KCNK10: variants seen among roughly 807,000 people sequenced by gnomAD.
The protein encoded by KCNK10 is potassium channel subfamily K member 10.
In KCNK10, 25 loss-of-function variants were observed where a neutral mutation model predicts 47.7. The observed-to-expected ratio is 0.52, with a 90% CI of 0.38 to 0.73. KCNK10 has a LOEUF of 0.73. KCNK10 is among the 30% of genes least tolerant of loss of function. The probability of loss-of-function intolerance (pLI) is 0.00; values close to 1 mark genes in which losing one functional copy is unlikely to be tolerated. For synonymous variants in KCNK10, 303 were observed against 285.6 expected, an observed-to-expected ratio of 1.06 and a Z score of -0.61; for missense variants, 563 against 714.5, an observed-to-expected ratio of 0.79 and a Z score of 2.42.
In KCNK10 at chr14:88,181,624, G is replaced by C. The variant is rs1005509074; in HGVS notation, c.*3911C>G. The C allele has an allele frequency of 6.6e-6, 1 of 152,220 alleles. No homozygotes were observed. Among genetic ancestry groups the C allele is most frequent in the Admixed American group, 6.6e-5 (1 of 15,262 alleles). 9.4% of individuals were successfully genotyped at this position (152,220 alleles called of 1,614,324 possible). On this transcript the variant is annotated 3_prime_UTR_variant, in exon 7 of 7. Transcript: ENST00000319231. ...CTAAAGAGCTATAAGGGAGGATAGA[G>C]AGAGCCTACACAGGGCATGATCCGA...
chr14:88,226,849 T>A (rs1156247921), intron 4 of KCNK10, among the ~76,000 whole-genome samples: 1 of 152,174 alleles, frequency 6.6e-6, no homozygotes, highest in African/African-American at 2.4e-5. Flanking sequence ...CAGGATGCCA[T>A]TTCTGAGGGA....
intron 1 of KCNK10, among the ~76,000 whole-genome samples, chr14:88,310,969 C>G (rs1888316960): frequency 6.6e-6 from 1 of 152,092 alleles, no homozygotes; most frequent in African/African-American, 2.4e-5. Flanking sequence ...ATCACAGAAT[C>G]AAGGGTCATG....
rs1305476508 is a variant in KCNK10, at chr14:88,260,069, AGT to A, written c.402+3131_402+3132del. The stretch of plus-strand genomic sequence containing the variant: ...GCAATTCTTCTGCCTCAGCCTCCCT[AGT>A]AGCTGGGACCACAGGTGCACACCAC... On this transcript the variant is annotated intron_variant, in intron 2 of 6. Coordinates refer to ENST00000319231, the MANE Select transcript of KCNK10 (RefSeq NM_138317.3). This position sits in a 1 kb window ranked among gnomAD's most constrained non-coding sequence, Gnocchi z 4.5. 2.0e-5 allele frequency among the ~76,000 whole-genome samples: 3 copies of A among 152,022 alleles called. No individual in the cohort carries two copies. The highest frequency in any genetic ancestry group is 7.3e-5 in the African/African-American group (3 of 41,372).
intron 1 of KCNK10, chr14:88,270,676 G>C: frequency 1.3e-6 from 1 of 780,454 alleles, no homozygotes. Context: ...AGAACTGCCT[G>C]CCACCTCATC....
chr14:88,263,687 C>G, intron 1 of KCNK10, 136 bp from the exon 2 acceptor site: 1 of 775,504 alleles, frequency 1.3e-6, no homozygotes, highest in Non-Finnish European at 2.0e-6. Flanking sequence ...TTCACCAAGC[C>G]TGCAGTTAGG....
intron 1 of KCNK10, among the ~76,000 whole-genome samples, chr14:88,319,078 T>C (rs1484790127): frequency 1.3e-5 from 2 of 152,170 alleles, no homozygotes; most frequent in African/African-American, 2.4e-5. Flanking sequence ...AATCTACTTG[T>C]GGTAGGTCCT....
intron 4 of KCNK10, among the ~76,000 whole-genome samples, chr14:88,199,973 CTTTCTTTCTTTCTT>C (rs910881938): frequency 5.4e-5 from 8 of 147,862 alleles, no homozygotes; most frequent in African/African-American, 2.0e-4. Flanking sequence ...CTTTCTTTCT[CTTTCTTTCTTTCTT>C]TTTCTTTCTT....
At chr14:88,326,588 C>T (rs1888668285), upstream of KCNK10, 3 of 702,604 alleles carry the variant, frequency 4.3e-6, no homozygotes, top group East Asian at 2.7e-5. Context: ...AACAAAACAT[C>T]GTGGCGCAAA....
intron 1 of KCNK10, among the ~76,000 whole-genome samples, chr14:88,303,409 G>A (rs1595130148): frequency 6.6e-6 from 1 of 152,120 alleles, no homozygotes; most frequent in East Asian, 1.9e-4. Context: ...CCCATAAAGT[G>A]GTGGTGGCTT....
In KCNK10 at chr14:88,220,495, G is replaced by A. The variant is rs1383811973; in HGVS notation, c.681+6880C>T. 2.1e-5 allele frequency among the ~76,000 whole-genome samples: 3 copies of A among 142,720 alleles called. No homozygotes were observed. The Admixed American group carries it at 2.1e-4, about 10-fold the overall frequency. 93.6% of individuals were successfully genotyped at this position (142,720 alleles called of 152,430 possible). ...AAGTAATCAAGACAGTATGATATTGGAGAAAGAATAGACAAATAGGTCAAT... is the reference window on the plus strand; with the variant it reads ...AAGTAATCAAGACAGTATGATATTGAAGAAAGAATAGACAAATAGGTCAAT... On this transcript the variant is annotated intron_variant, in intron 4 of 6. Transcript: ENST00000319231.
chr14:88,326,803 C>T, upstream of KCNK10: 1 of 282,060 alleles, frequency 3.5e-6, no homozygotes. Context: ...CCCGAAAACC[C>T]CAGTCATCTC....
At chr14:88,215,048 C>A (rs1416288986) in intron 4 of KCNK10, among the ~76,000 whole-genome samples, 2 of 152,150 alleles carry the variant, frequency 1.3e-5, no homozygotes, top group African/African-American at 4.8e-5. Context: ...GTCACAGAAC[C>A]AGTCTAAGCA....
At chr14:88,255,859 TA>T (rs931677233) in intron 2 of KCNK10, among the ~76,000 whole-genome samples, 2 of 151,550 alleles carry the variant, frequency 1.3e-5, no homozygotes, top group African/African-American at 4.9e-5. Context: ...GACCCTGTTT[TA>T]AAAAAAAGGA....
At chr14:88,304,672 T>C (rs574044378) in intron 1 of KCNK10, among the ~76,000 whole-genome samples, 2 of 152,316 alleles carry the variant, frequency 1.3e-5, no homozygotes, top group Admixed American at 6.5e-5. Flanking sequence ...TTTGTTAGTG[T>C]TTGCACTGTT....
intron 4 of KCNK10, among the ~76,000 whole-genome samples, chr14:88,216,018 A>G (rs147708128): frequency 8.2e-4 from 125 of 152,336 alleles, no homozygotes; most frequent in Admixed American, 9.8e-4. Flanking sequence ...ATAAGTCCCT[A>G]TGGGTCAGTT....
intron 4 of KCNK10, among the ~76,000 whole-genome samples, chr14:88,197,890 G>A (rs1056123731): frequency 4.1e-5 from 6 of 146,716 alleles, no homozygotes; most frequent in Non-Finnish European, 9.1e-5. Flanking sequence ...GAGAGAGAGA[G>A]AGAGAAGGGG....
rs76037997 is a variant in KCNK10, at chr14:88,260,623, T to G, written c.402+2579A>C. ...ACTACCAGCTCTACCACTTTGGTGG[T>G]TGGAAAGTTACTCACCTCTTTAAGG... On this transcript the variant is annotated intron_variant, in intron 2 of 6. Coordinates refer to ENST00000319231, the MANE Select transcript of KCNK10 (RefSeq NM_138317.3). This position sits in a 1 kb window ranked among gnomAD's most constrained non-coding sequence, Gnocchi z 4.5. 6.6e-6 allele frequency among the ~76,000 whole-genome samples: 1 copy of G among 152,160 alleles called. No homozygotes were observed. The highest frequency in any genetic ancestry group is 1.5e-5 in the Non-Finnish European group (1 of 68,022).
upstream of KCNK10, chr14:88,323,387 G>T (rs942731403): frequency 3.9e-6 from 3 of 774,310 alleles, no homozygotes; most frequent in Non-Finnish European, 4.7e-6. Flanking sequence ...TTGGATGTAG[G>T]GGTGGCGCGG....
chr14:88,198,141 T>A lies in KCNK10; in HGVS notation c.682-5731A>T, dbSNP rs115557731. Among the ~76,000 whole-genome samples the A allele has an allele frequency of 5.4e-3, 820 of 152,320 alleles. 4 individuals carry two copies. Among genetic ancestry groups the A allele is most frequent in the African/African-American group, 0.018 (759 of 41,580 alleles). Reference sequence around the variant, plus strand: ...GAATATAAAAGCATGCCAACTGTAATGGACGACCTTTAAATCTTTGTCAGT... The same window carrying A: ...GAATATAAAAGCATGCCAACTGTAAAGGACGACCTTTAAATCTTTGTCAGT... On this transcript the variant is annotated intron_variant, in intron 4 of 6. Coordinates refer to ENST00000319231, the MANE Select transcript of KCNK10 (RefSeq NM_138317.3).
Sources: allele counts gnomAD v4.1 joint callset (sites outside exome capture counted in the v4.1 genomes callset), GRCh38; gene constraint gnomAD v4.1.1; non-coding constraint Gnocchi (gnomAD v3.1); transcripts MANE v1.5; gene names NCBI Gene and HGNC (gene_info 2026-07-23, HGNC 2026-07-21).